The following SPATA6L variants were observed in gnomAD, a reference collection of about 807,000 sequenced individuals.
The protein encoded by SPATA6L is spermatogenesis associated 6-like protein.
In SPATA6L, 68 loss-of-function variants were observed where a neutral mutation model predicts 49.2. The observed-to-expected ratio is 1.38, with a 90% CI of 1.14 to 1.69. The LOEUF is 1.69. SPATA6L is among the 40% of genes most tolerant of loss of function. SPATA6L has a pLI of 0.00. For synonymous variants in SPATA6L, 198 were observed against 165.7 expected, an observed-to-expected ratio of 1.19 and a Z score of -1.50; for missense variants, 668 against 464.3, an observed-to-expected ratio of 1.44 and a Z score of -4.03.
intron 6 of SPATA6L, 86 bp downstream of exon 6, chr9:4,625,241 G>T: frequency 1.3e-6 from 2 of 1,494,124 alleles, no homozygotes; most frequent in Non-Finnish European, 8.9e-7. Flanking sequence ...TTATTCATTT[G>T]TTGTTATAAC....
intron 6 of SPATA6L, among the ~76,000 whole-genome samples, chr9:4,624,194 C>A (rs1389923161): frequency 6.6e-6 from 1 of 151,898 alleles, no homozygotes; most frequent in East Asian, 1.9e-4. Flanking sequence ...CTGGTGTTCA[C>A]GTAGACTACA....
chr9:4,620,396 GCA>G (rs1428064118), intron 7 of SPATA6L, among the ~76,000 whole-genome samples: 1 of 152,134 alleles, frequency 6.6e-6, no homozygotes, highest in East Asian at 1.9e-4. Context: ...TTCTCAAAGT[GCA>G]GTCCATAGAC....
intron 1 of SPATA6L, chr9:4,663,243 T>C (rs1390322092): frequency 7.4e-6 from 12 of 1,613,768 alleles, no homozygotes; most frequent in South Asian, 5.5e-5. Context: ...GGTCCTCTTT[T>C]TACTGTGGAG....
intron 5 of SPATA6L, chr9:4,628,773 A>G (rs1322470588): frequency 4.9e-6 from 1 of 205,960 alleles, no homozygotes; most frequent in South Asian, 9.9e-5. Context: ...ACTGTTGTTC[A>G]TAAGATCACA....
At chr9:4,606,178 C>A (rs1376908532) in intron 9 of SPATA6L, among the ~76,000 whole-genome samples, 3 of 151,402 alleles carry the variant, frequency 2.0e-5, no homozygotes, top group Non-Finnish European at 4.4e-5. Context: ...ATTGCTAGCA[C>A]AGCAGTCTGA....
Position 4,666,200 on chromosome 9 carries a change from T to G in SPATA6L, c.39+12A>C. 4 of 1,614,054 alleles carry G rather than the reference T, an allele frequency of 2.5e-6. No individual in the cohort carries two copies. Among genetic ancestry groups the G allele is most frequent in the Non-Finnish European group, 3.4e-6 (4 of 1,179,998 alleles). ...CTTGAGGTTAAGGAGGGGGAGTTCA[T>G]CGATCTCTTACCGCCCGGATCTGCA... is the stretch of plus-strand genomic sequence containing the variant. On this transcript the variant is annotated intron_variant, in intron 1 of 11. Coordinates refer to ENST00000682582, the MANE Select transcript of SPATA6L (RefSeq NM_001353486.2).
intron 1 of SPATA6L, chr9:4,664,933 G>T (rs1249829511): frequency 1.2e-5 from 2 of 167,106 alleles, no homozygotes; most frequent in Admixed American, 1.3e-4. Flanking sequence ...GTTTGGGTTT[G>T]TTGTTTAACC....
At position 4,644,714 on chromosome 9, in the gene SPATA6L, C is replaced by G. The variant is rs1221943000; in HGVS notation, c.227-9315G>C. 7.3e-5 allele frequency among the ~76,000 whole-genome samples: 11 copies of G among 150,644 alleles called. No individual in the cohort carries two copies. In the East Asian group the frequency reaches 2.1e-3, roughly 29 times the overall value. Reference sequence around the variant, plus strand: ...ACACACACACACACACACACACACACACACACACACTTCTATGCCAACAAC... The same window carrying G: ...ACACACACACACACACACACACACAGACACACACACTTCTATGCCAACAAC... On this transcript the variant is annotated intron_variant, in intron 3 of 11. Transcript: ENST00000682582.
At chr9:4,629,769 G>GTGTGTGTGTGTGTGTATATATATA (rs1311805859) in intron 4 of SPATA6L, among the ~76,000 whole-genome samples, 1 of 101,922 alleles carries the variant, frequency 9.8e-6, no homozygotes, top group African/African-American at 5.0e-5. Context: ...GTGTGTGTGT[G>GTGTGTGTGTGTGTGTATATATATA]TATATATATA....
At chr9:4,596,179 G>A (rs1822240117), downstream of SPATA6L, among the ~76,000 whole-genome samples, 4 of 152,172 alleles carry the variant, frequency 2.6e-5, no homozygotes, top group Admixed American at 2.6e-4. Context: ...GAGGGCACGG[G>A]TTGAATTTTA....
chr9:4,636,109 A>T (rs1044419051), intron 3 of SPATA6L, among the ~76,000 whole-genome samples: 1 of 139,718 alleles, frequency 7.2e-6, no homozygotes, highest in Non-Finnish European at 1.5e-5. Context: ...GTAAACACAA[A>T]GCCTTTTTTT....
rs1370378830 is a variant in SPATA6L, at chr9:4,662,325, G to A, written c.40-289C>T. On this transcript the variant is annotated intron_variant, in intron 1 of 11. Coordinates refer to ENST00000682582, the MANE Select transcript of SPATA6L (RefSeq NM_001353486.2). The surrounding 1 kb of genome is among the most constrained non-coding windows in gnomAD (Gnocchi z 4.9). Reference sequence around the variant, plus strand: ...GAAGCGGAAGAGGCTGCAGGGCCGGGAAGCCTCTGTTTGGTCCGGCCAGGT... The same window carrying A: ...GAAGCGGAAGAGGCTGCAGGGCCGGAAAGCCTCTGTTTGGTCCGGCCAGGT... 2.1e-6 allele frequency: 3 copies of A among 1,447,728 alleles called. No individual in the cohort carries two copies. Among genetic ancestry groups the A allele is most frequent in the Admixed American group, 2.7e-5 (1 of 36,970 alleles). The allele number at this position is 1,447,728 out of a possible 1,614,324, so 89.7% of individuals were successfully genotyped here.
In SPATA6L at chr9:4,611,681, G is replaced by A. The variant is rs546314814; in HGVS notation, c.996-6241C>T. 2.7e-5 allele frequency among the ~76,000 whole-genome samples: 4 copies of A among 150,470 alleles called. 1 individual carries two copies. The South Asian group carries it at 8.6e-4, about 32-fold the overall frequency. On this transcript the variant is annotated intron_variant, in intron 9 of 11. Coordinates refer to ENST00000682582, the MANE Select transcript of SPATA6L (RefSeq NM_001353486.2). ...GGGGAGGGGGGAGGGATAGCAGTGGGAGATACACCTAATGCTAGATGACGA... is the reference window on the plus strand; with the variant it reads ...GGGGAGGGGGGAGGGATAGCAGTGGAAGATACACCTAATGCTAGATGACGA...
At chr9:4,601,797 G>C (rs1470688144) in intron 11 of SPATA6L, among the ~76,000 whole-genome samples, 1 of 152,180 alleles carries the variant, frequency 6.6e-6, no homozygotes, top group African/African-American at 2.4e-5. Flanking sequence ...CCTGGGGTCT[G>C]TCCTCCCAAC....
intron 13 of SPATA6L, among the ~76,000 whole-genome samples, chr9:4,589,144 T>A (rs969617632): frequency 6.6e-6 from 1 of 152,220 alleles, no homozygotes; most frequent in African/African-American, 2.4e-5. Flanking sequence ...AAACCTTGGT[T>A]TCCTCTTCCA....
intron 5 of SPATA6L, chr9:4,627,845 T>G: frequency 7.8e-7 from 1 of 1,281,222 alleles, no homozygotes; most frequent in Non-Finnish European, 1.0e-6. Flanking sequence ...ATAGCCAAGA[T>G]TTGGAATCAA....
In SPATA6L at chr9:4,604,170, A is replaced by G. The variant is rs199580536; in HGVS notation, c.*1+9T>C. On this transcript the variant is annotated intron_variant, in intron 11 of 11. Coordinates refer to ENST00000682582, the MANE Select transcript of SPATA6L (RefSeq NM_001353486.2). ...AGCACTTAAGCTGCTTACTTACATA[A>G]GACAGTACCTTAAAAATATCTCTGT... The G allele has an allele frequency of 8.4e-4, 1,340 of 1,596,226 alleles. 1 individual carries two copies. The highest frequency in any genetic ancestry group is 1.0e-3 in the Non-Finnish European group (1,195 of 1,166,480).
At chr9:4,654,850 G>A (rs73395715) in intron 3 of SPATA6L, among the ~76,000 whole-genome samples, 7,442 of 151,948 alleles carry the variant, frequency 0.049, 390 homozygotes, top group African/African-American at 0.12. Context: ...GGATGGTCTT[G>A]GGAAATGCAA....
chr9:4,661,632 C>G (rs1054837526), intron 2 of SPATA6L, among the ~76,000 whole-genome samples: 2 of 152,062 alleles, frequency 1.3e-5, no homozygotes, highest in East Asian at 3.9e-4. Context: ...CAGAAATGCT[C>G]TCTTTGCTCC....
Sources: gnomAD v4.1 joint callset for allele counts (sites outside exome capture counted in the v4.1 genomes callset) on GRCh38, gnomAD v4.1.1 for gene constraint, Gnocchi (gnomAD v3.1) non-coding constraint, MANE v1.5 for transcripts, NCBI Gene and HGNC (gene_info 2026-07-23, HGNC 2026-07-21) for gene names.